The following PTPRT variants were observed in gnomAD, a reference collection of about 807,000 sequenced individuals.
PTPRT encodes the protein receptor-type tyrosine-protein phosphatase T.
PTPRT carries 56 observed loss-of-function variants against 176.8 expected under a neutral mutation model. The ratio of observed to expected loss-of-function variants is 0.32; its 90% CI spans 0.26 to 0.40. The LOEUF (loss-of-function observed/expected upper bound fraction) is 0.40, where lower values mean the gene tolerates loss of function less well. PTPRT is among the 10% of genes least tolerant of loss of function. The pLI is 1.00. For missense variants in PTPRT, 1,540 were observed against 1,908.2 expected, an observed-to-expected ratio of 0.81 and a Z score of 3.60; for synonymous variants, 783 against 739.0, an observed-to-expected ratio of 1.06 and a Z score of -0.96.
chr20:42,965,967 A>G (rs1037007197), intron 1 of PTPRT, among the ~76,000 whole-genome samples: 11 of 152,358 alleles, frequency 7.2e-5, no homozygotes, highest in Admixed American at 6.5e-4. Context: ...AAGGTGCAGA[A>G]AAGTGTGTCA....
chr20:42,885,056 T>G (rs1266925095), intron 2 of PTPRT, among the ~76,000 whole-genome samples: 1 of 151,554 alleles, frequency 6.6e-6, no homozygotes, highest in African/African-American at 2.4e-5. Flanking sequence ...GAATTCACAC[T>G]AGGCCTTCAG....
chr20:42,388,647 G>A (rs555205651), intron 9 of PTPRT, among the ~76,000 whole-genome samples: 94 of 152,334 alleles, frequency 6.2e-4, no homozygotes, highest in Admixed American at 1.8e-3. Context: ...AGAGGATGTG[G>A]AGAAATAGGA....
chr20:42,478,673 A>C (rs1173466873), intron 7 of PTPRT, among the ~76,000 whole-genome samples: 4 of 151,972 alleles, frequency 2.6e-5, no homozygotes, highest in African/African-American at 9.7e-5. Context: ...CTCCAATGCC[A>C]CCCTTTACTT....
chr20:42,126,997 T>C (rs542928117), intron 19 of PTPRT, among the ~76,000 whole-genome samples: 2 of 152,302 alleles, frequency 1.3e-5, no homozygotes, highest in African/African-American at 2.4e-5. Context: ...CCTTTGTTAA[T>C]TAGGGTGTAG....
At chr20:42,335,930 G>A (rs777905064) in intron 11 of PTPRT, among the ~76,000 whole-genome samples, 6 of 151,978 alleles carry the variant, frequency 3.9e-5, no homozygotes, top group South Asian at 2.1e-4. Context: ...ATTTCATATC[G>A]GCTGCTACTA....
intron 8 of PTPRT, among the ~76,000 whole-genome samples, chr20:42,465,205 G>A (rs2071084253): frequency 6.6e-6 from 1 of 151,996 alleles, no homozygotes; most frequent in Non-Finnish European, 1.5e-5. Context: ...TACACTGCTA[G>A]TGAAAACACA....
intron 11 of PTPRT, among the ~76,000 whole-genome samples, chr20:42,338,707 C>T (rs1426853792): frequency 6.6e-6 from 1 of 152,096 alleles, no homozygotes; most frequent in Non-Finnish European, 1.5e-5. Context: ...CTGTTTCTCT[C>T]TCATAATTTC....
At chr20:42,323,426 A>G (rs1382660513) in intron 11 of PTPRT, among the ~76,000 whole-genome samples, 2 of 152,222 alleles carry the variant, frequency 1.3e-5, no homozygotes, top group Non-Finnish European at 2.9e-5. Flanking sequence ...AATACTATGC[A>G]GCCATAAAAA....
At chr20:42,427,225 T>C (rs1445842230) in intron 9 of PTPRT, among the ~76,000 whole-genome samples, 1 of 152,192 alleles carries the variant, frequency 6.6e-6, no homozygotes, top group African/African-American at 2.4e-5. Flanking sequence ...ACCTACTGCA[T>C]GGCAATACTT....
chr20:42,329,483 A>G, intron 11 of PTPRT, among the ~76,000 whole-genome samples: 1 of 137,176 alleles, frequency 7.3e-6, no homozygotes, highest in African/African-American at 2.7e-5. Context: ...GCACACACAC[A>G]CACACACACA....
intron 2 of PTPRT, among the ~76,000 whole-genome samples, chr20:42,860,538 CTTAT>C (rs1022000095): frequency 1.3e-5 from 2 of 152,148 alleles, no homozygotes; most frequent in South Asian, 2.1e-4. Flanking sequence ...CCTCCGTTTA[CTTAT>C]TTGTTTTCCC....
At chr20:42,817,732 C>A (rs2077814227) in intron 2 of PTPRT, among the ~76,000 whole-genome samples, 1 of 152,158 alleles carries the variant, frequency 6.6e-6, no homozygotes, top group Non-Finnish European at 1.5e-5. Flanking sequence ...GTCCCCACAG[C>A]CCAACACACT....
intron 1 of PTPRT, among the ~76,000 whole-genome samples, chr20:42,951,263 A>C (rs373007013): frequency 1.3e-5 from 2 of 151,900 alleles, no homozygotes; most frequent in South Asian, 4.2e-4. Context: ...GGGTGGATGG[A>C]TGGATGGAGA....
intron 7 of PTPRT, among the ~76,000 whole-genome samples, chr20:42,577,671 C>T (rs2073285800): frequency 6.6e-6 from 1 of 152,108 alleles, no homozygotes; most frequent in Non-Finnish European, 1.5e-5. Flanking sequence ...TCGGCCACCA[C>T]AGAGGGTCAG....
chr20:43,097,149 T>C (rs1259547039), intron 1 of PTPRT, among the ~76,000 whole-genome samples: 3 of 152,128 alleles, frequency 2.0e-5, no homozygotes, highest in African/African-American at 4.8e-5. Flanking sequence ...TTCCAAGCAA[T>C]GCACAGTAAG....
chr20:42,289,704 C>A (rs2057288598), intron 12 of PTPRT, among the ~76,000 whole-genome samples: 1 of 152,054 alleles, frequency 6.6e-6, no homozygotes, highest in African/African-American at 2.4e-5. Flanking sequence ...TTTATTCTAT[C>A]TTCTCTTGTA....
At chr20:42,564,884 C>T (rs1289711447) in intron 7 of PTPRT, among the ~76,000 whole-genome samples, 2 of 152,124 alleles carry the variant, frequency 1.3e-5, no homozygotes, top group African/African-American at 4.8e-5. Flanking sequence ...GTATAAATTA[C>T]ATGCAAATAC....
chr20:42,731,889 A>G (rs2076466031), intron 6 of PTPRT, among the ~76,000 whole-genome samples: 1 of 151,780 alleles, frequency 6.6e-6, no homozygotes, highest in Admixed American at 6.6e-5. Flanking sequence ...TCATCTTCCT[A>G]CTCTTTAAAT....
intron 1 of PTPRT, among the ~76,000 whole-genome samples, chr20:43,153,846 T>A (rs900202635): frequency 8.5e-5 from 13 of 152,130 alleles, no homozygotes; most frequent in African/African-American, 3.1e-4. Flanking sequence ...AGAGGATGAA[T>A]AAATTATAGC....
Sources: gnomAD v4.1 joint callset for allele counts (sites outside exome capture counted in the v4.1 genomes callset) on GRCh38, gnomAD v4.1.1 for gene constraint, MANE v1.5 for transcripts, NCBI Gene and HGNC (gene_info 2026-07-23, HGNC 2026-07-21) for gene names.